Variants in SHLD1 observed in about 807,000 individuals in gnomAD.
The protein encoded by SHLD1 is shieldin complex subunit 1.
In SHLD1, 3 loss-of-function variants were observed where a neutral mutation model predicts 5.5. The ratio of observed to expected loss-of-function variants is 0.54; its 90% CI spans 0.25 to 1.40. The LOEUF is 1.40. Ranked by LOEUF, SHLD1 falls within the 40% of genes most tolerant of loss-of-function variation. SHLD1 has a pLI of 0.15. For missense variants in SHLD1, 210 were observed against 244.4 expected, an observed-to-expected ratio of 0.86 and a Z score of 0.94; for synonymous variants, 92 against 94.3, an observed-to-expected ratio of 0.98 and a Z score of 0.14.
intron 2 of SHLD1, among the ~76,000 whole-genome samples, chr20:5,830,433 A>G (rs1198185760): frequency 6.6e-6 from 1 of 152,144 alleles, no homozygotes; most frequent in East Asian, 1.9e-4. Flanking sequence ...TACTCCCAGC[A>G]CTTTGGGAGG....
At chr20:5,755,055 CAAAA>C (rs61439374) in intron 1 of SHLD1, among the ~76,000 whole-genome samples, 1 of 134,338 alleles carries the variant, frequency 7.4e-6, no homozygotes, top group Non-Finnish European at 1.6e-5. Flanking sequence ...GACCCTGTCT[CAAAA>C]AAAAAAAAAG....
intron 2 of SHLD1, among the ~76,000 whole-genome samples, chr20:5,844,409 T>G (rs2087901974): frequency 6.6e-6 from 1 of 152,316 alleles, no homozygotes; most frequent in Non-Finnish European, 1.5e-5. Context: ...GGTTGAGTCA[T>G]TTCAGTCCCA....
At chr20:5,813,042 T>C (rs2087480708) in intron 2 of SHLD1, among the ~76,000 whole-genome samples, 1 of 151,922 alleles carries the variant, frequency 6.6e-6, no homozygotes, top group South Asian at 2.1e-4. Context: ...GCCTGGCTAT[T>C]TTTTTCTATT....
In SHLD1 at chr20:5,863,336, C is replaced by T. The variant is rs1291560586; in HGVS notation, c.491C>T (p.Ser164Phe). 1.9e-6 allele frequency: 3 copies of T among 1,614,192 alleles called. No homozygotes were observed. Among genetic ancestry groups the T allele is most frequent in the South Asian group, 2.2e-5 (2 of 91,088 alleles). ...RDGCSVLQRH[S>F]RDTHFYPLEE... Reference sequence around the variant, plus strand: ...GGCTGCTCCGTCTTACAGAGGCATTCCAGGGACACCCACTTCTACCCACTG... The same window carrying T: ...GGCTGCTCCGTCTTACAGAGGCATTTCAGGGACACCCACTTCTACCCACTG... Residue 164 changes from serine to phenylalanine, a missense_variant, in exon 3 of 3, where the codon TCC becomes TTC. Ser to Phe is a radical substitution (Grantham distance 155). Transcript: ENST00000303142.
intron 2 of SHLD1, among the ~76,000 whole-genome samples, chr20:5,822,843 G>T (rs1190206245): frequency 6.6e-6 from 1 of 151,726 alleles, no homozygotes; most frequent in African/African-American, 2.4e-5. Flanking sequence ...ATGACCCCAG[G>T]TTCCTCTTTA....
At chr20:5,854,020 T>C (rs2088048449) in intron 2 of SHLD1, among the ~76,000 whole-genome samples, 1 of 151,708 alleles carries the variant, frequency 6.6e-6, no homozygotes, top group African/African-American at 2.4e-5. Flanking sequence ...TTTTTTTTTT[T>C]TTTAGACAGA....
chr20:5,796,093 A>C (rs2087208811), intron 2 of SHLD1, among the ~76,000 whole-genome samples: 1 of 152,196 alleles, frequency 6.6e-6, no homozygotes, highest in Non-Finnish European at 1.5e-5. Context: ...TAGCTGTTGA[A>C]GCTATTACAT....
intron 2 of SHLD1, among the ~76,000 whole-genome samples, chr20:5,845,437 A>G (rs992553364): frequency 1.6e-4 from 25 of 152,206 alleles, no homozygotes; most frequent in Admixed American, 1.1e-3. Context: ...TCCCAAGTCC[A>G]TGCTCACAGA....
At chr20:5,756,802 G>T (rs1600085761) in intron 1 of SHLD1, 1 of 287,624 alleles carries the variant, frequency 3.5e-6, no homozygotes, top group African/African-American at 2.3e-5. Flanking sequence ...CCAAAGTGTT[G>T]GGATTACAGG....
intron 2 of SHLD1, among the ~76,000 whole-genome samples, chr20:5,785,665 A>G (rs973882703): frequency 2.0e-5 from 3 of 151,954 alleles, no homozygotes; most frequent in Non-Finnish European, 4.4e-5. Flanking sequence ...GCATGGTGGT[A>G]CACGCCTGTA....
intron 2 of SHLD1, among the ~76,000 whole-genome samples, chr20:5,778,231 G>A (rs994785298): frequency 4.7e-5 from 7 of 148,576 alleles, no homozygotes; most frequent in Non-Finnish European, 5.9e-5. Context: ...ATTCTCCTGC[G>A]TCAGCCTCCC....
chr20:5,853,307 G>A (rs1445056037), intron 2 of SHLD1, among the ~76,000 whole-genome samples: 1 of 152,084 alleles, frequency 6.6e-6, no homozygotes, highest in Non-Finnish European at 1.5e-5. Context: ...TTAGCTGGGT[G>A]TGATGGTGCA....
intron 1 of SHLD1, among the ~76,000 whole-genome samples, chr20:5,770,093 T>C (rs1292127384): frequency 2.0e-5 from 3 of 151,866 alleles, no homozygotes; most frequent in African/African-American, 7.3e-5. Flanking sequence ...TCGGCTACTA[T>C]TGACTTTCTG....
intron 2 of SHLD1, among the ~76,000 whole-genome samples, chr20:5,861,781 T>G (rs777622053): frequency 6.6e-6 from 1 of 152,232 alleles, no homozygotes; most frequent in Non-Finnish European, 1.5e-5. Context: ...CACTGTACCA[T>G]GCACCTTACT....
chr20:5,793,210 T>G (rs1056190308), intron 2 of SHLD1, among the ~76,000 whole-genome samples: 11 of 152,222 alleles, frequency 7.2e-5, no homozygotes, highest in Non-Finnish European at 1.3e-4. Context: ...GTGTGGGTCC[T>G]CCAACTTTTT....
chr20:5,795,489 C>T (rs1212445279), intron 2 of SHLD1, among the ~76,000 whole-genome samples: 3 of 150,432 alleles, frequency 2.0e-5, no homozygotes, highest in Admixed American at 6.7e-5. Context: ...ATCCCAGCTA[C>T]TTGGGAGGCT....
At position 5,806,917 on chromosome 20, in the gene SHLD1, G is replaced by A. The variant is rs537818637; in HGVS notation, c.178+33874G>A. 1.6e-4 allele frequency among the ~76,000 whole-genome samples: 25 copies of A among 152,336 alleles called. No individual in the cohort carries two copies. Among genetic ancestry groups the A allele is most frequent in the East Asian group, 1.4e-3 (7 of 5,184 alleles). On this transcript the variant is annotated intron_variant, in intron 2 of 2. Coordinates refer to ENST00000303142, the MANE Select transcript of SHLD1 (RefSeq NM_152504.4). The surrounding 1 kb of genome is among the most constrained non-coding windows in gnomAD (Gnocchi z 7.6). ...CACTGAAGGACTTGATTTTAGCACC[G>A]AAGAGTGAGTGAGTGGTCGTGTAAC...
chr20:5,843,373 A>T (rs2087890297), intron 2 of SHLD1, among the ~76,000 whole-genome samples: 1 of 141,676 alleles, frequency 7.1e-6, no homozygotes. Context: ...CTCTCTCTCT[A>T]CCCAGAGCCA....
intron 2 of SHLD1, among the ~76,000 whole-genome samples, chr20:5,795,917 G>A (rs375212623): frequency 5.9e-5 from 9 of 151,764 alleles, no homozygotes; most frequent in Admixed American, 2.0e-4. Flanking sequence ...CCCAGAACCC[G>A]GGAGGCAGAG....
Sources: gnomAD v4.1 joint callset for allele counts (sites outside exome capture counted in the v4.1 genomes callset) on GRCh38, gnomAD v4.1.1 for gene constraint, Gnocchi (gnomAD v3.1) non-coding constraint, MANE v1.5 for transcripts, NCBI Gene and HGNC (gene_info 2026-07-23, HGNC 2026-07-21) for gene names.